Variants in DTHD1 observed in about 807,000 individuals in gnomAD.
The protein encoded by DTHD1 is death domain containing 1.
A neutral mutation model predicts 74.8 loss-of-function variants in DTHD1; 59 were observed. That is an observed-to-expected ratio of 0.79 (90% confidence interval 0.64 to 0.98). DTHD1 has a LOEUF of 0.98. Ranked by LOEUF, DTHD1 falls within the 50% of genes least tolerant of loss-of-function variation. DTHD1 has a pLI of 0.00. For synonymous variants in DTHD1, 365 were observed against 371.1 expected (o/e 0.98, Z 0.19); for missense variants, 1,051 against 1,065.4 (o/e 0.99, Z 0.19).
At chr4:36,292,674 C>A (rs1451239648) in intron 3 of DTHD1, among the ~76,000 whole-genome samples, 3 of 152,202 alleles carry the variant, frequency 2.0e-5, no homozygotes, top group Non-Finnish European at 2.9e-5. Flanking sequence ...CCTTAGTCAG[C>A]TTTCAAATGG....
At chr4:36,316,964 C>A (rs1375987226) in intron 8 of DTHD1, among the ~76,000 whole-genome samples, 1 of 152,150 alleles carries the variant, frequency 6.6e-6, no homozygotes, top group African/African-American at 2.4e-5. Flanking sequence ...TAAATTATTT[C>A]TTTGAACATG....
chr4:36,306,812 A>G (rs1201419106), intron 6 of DTHD1, among the ~76,000 whole-genome samples: 1 of 152,260 alleles, frequency 6.6e-6, no homozygotes, highest in Non-Finnish European at 1.5e-5. Flanking sequence ...TCATAGAGAC[A>G]GGTGATCATA....
At chr4:36,305,465 C>T (rs1756987784) in intron 5 of DTHD1, among the ~76,000 whole-genome samples, 1 of 152,096 alleles carries the variant, frequency 6.6e-6, no homozygotes, top group Non-Finnish European at 1.5e-5. Flanking sequence ...ACCATGAGAA[C>T]AGTATGGGGG....
rs112460099 is a variant in DTHD1 at position 36,316,004 on chromosome 4, C to G, written c.2096-238C>G. ...AGGCTGGAGTGCAGTGGCGTGATCT[C>G]CGCTCACTGTAAGCACCGCCTCCTG... is the stretch of plus-strand genomic sequence containing the variant. On this transcript the variant is annotated intron_variant, in intron 7 of 9. Coordinates refer to ENST00000639862, the MANE Select transcript of DTHD1 (RefSeq NM_001170700.3). Among the ~76,000 whole-genome samples, 534 of 152,278 alleles carry G rather than the reference C, an allele frequency of 3.5e-3. 2 individuals carry two copies. The highest frequency in any genetic ancestry group is 0.012 in the African/African-American group (504 of 41,572).
intron 7 of DTHD1, chr4:36,311,356 C>T (rs2109507197): frequency 6.6e-6 from 1 of 152,310 alleles, no homozygotes; most frequent in Admixed American, 6.5e-5. Context: ...ATACCTCATC[C>T]TGGTAAAAGC....
rs372025978 is a variant in DTHD1, at chr4:36,337,221, G to A, written c.2341-1891G>A. On this transcript the variant is annotated intron_variant, in intron 8 of 9. Transcript: ENST00000639862. ...GAAAGTGAAGGGAAAAGAAGGCAACGTAGAAAATCCTTTATGAAGGGGCCA... is the reference window on the plus strand; with the variant it reads ...GAAAGTGAAGGGAAAAGAAGGCAACATAGAAAATCCTTTATGAAGGGGCCA... Among the ~76,000 whole-genome samples, 21 of 152,186 alleles carry A rather than the reference G, an allele frequency of 1.4e-4. No individual in the cohort carries two copies. In the South Asian group the frequency reaches 1.7e-3, roughly 12 times the overall value.
chr4:36,306,999 G>C (rs1453360085), intron 6 of DTHD1, among the ~76,000 whole-genome samples: 2 of 152,204 alleles, frequency 1.3e-5, no homozygotes, highest in Admixed American at 6.5e-5. Context: ...TTCAGATGAA[G>C]TATTTCTGTA....
Position 36,282,002 on chromosome 4 carries a change from A to T in DTHD1, c.244A>T (p.Lys82Ter). 6.6e-7 allele frequency: 1 copy of T among 1,523,472 alleles called. No homozygotes were observed. The highest frequency in any genetic ancestry group is 8.8e-7 in the Non-Finnish European group (1 of 1,132,198). 94.4% of individuals were successfully genotyped at this position (1,523,472 alleles called of 1,614,324 possible). ...CCAGCAGCTGCATGTGCTGCTTGAC[A>T]AAGAGAATCAATGTGTCTCGAGAAA... Reference protein sequence around the residue: ...TCQQLHVLLDKENQCVSRKEI... With the variant: ...TCQQLHVLLD The change falls in exon 1 of 10, where the codon AAA (lysine) becomes TAA (stop). Residue 82 changes from lysine (K) to a stop codon, truncating the protein, a stop_gained. Coordinates refer to ENST00000639862, the MANE Select transcript of DTHD1 (RefSeq NM_001170700.3). LOFTEE classifies it high-confidence loss of function.
At chr4:36,295,440 C>T (rs1441274855) in intron 5 of DTHD1, among the ~76,000 whole-genome samples, 1 of 151,926 alleles carries the variant, frequency 6.6e-6, no homozygotes, top group Non-Finnish European at 1.5e-5. Context: ...GGGATCTCGT[C>T]TCTAGAGTCA....
chr4:36,311,409 A>G (rs1341711880), intron 7 of DTHD1: 1 of 152,084 alleles, frequency 6.6e-6, no homozygotes, highest in Non-Finnish European at 1.5e-5. Flanking sequence ...GTCTCTGTGA[A>G]TCTCAAAGAG....
intron 1 of DTHD1, among the ~76,000 whole-genome samples, chr4:36,282,273 G>A (rs1414802975): frequency 6.6e-6 from 1 of 152,174 alleles, no homozygotes; most frequent in East Asian, 1.9e-4. Flanking sequence ...AATCCCATCT[G>A]TAGGGTGGGG....
At chr4:36,330,756 G>A (rs1261739309) in intron 8 of DTHD1, among the ~76,000 whole-genome samples, 1 of 152,118 alleles carries the variant, frequency 6.6e-6, no homozygotes, top group East Asian at 1.9e-4. Context: ...ATAGTTACAA[G>A]TACATCCTCA....
chr4:36,283,788 T>C (rs1344327780), intron 1 of DTHD1, 188 bp from the exon 2 acceptor site: 2 of 578,618 alleles, frequency 3.5e-6, no homozygotes, highest in Admixed American at 3.4e-5. Context: ...TTGTTGTCAA[T>C]CCTACAATTG....
chr4:36,328,933 C>CTA (rs1314817285), intron 8 of DTHD1, among the ~76,000 whole-genome samples: 5 of 152,136 alleles, frequency 3.3e-5, no homozygotes, highest in Admixed American at 6.6e-5. Flanking sequence ...TGATGTAGGC[C>CTA]CTGTCATTTG....
chr4:36,289,871 C>T (rs1755954308), intron 2 of DTHD1, among the ~76,000 whole-genome samples: 1 of 151,490 alleles, frequency 6.6e-6, no homozygotes, highest in Non-Finnish European at 1.5e-5. Context: ...TCTTTCTCAG[C>T]TTTTCTAAAA....
chr4:36,315,818 C>G (rs1312864495), intron 7 of DTHD1: 1 of 154,100 alleles, frequency 6.5e-6, no homozygotes, highest in Non-Finnish European at 1.4e-5. Flanking sequence ...CTGCCTATTG[C>G]TCCTTTGTCA....
At chr4:36,322,084 C>T (rs1448735669) in intron 8 of DTHD1, among the ~76,000 whole-genome samples, 1 of 152,202 alleles carries the variant, frequency 6.6e-6, no homozygotes, top group African/African-American at 2.4e-5. Context: ...TCTTACCCTG[C>T]AACCTGACAT....
chr4:36,293,090 G>A (rs1756178525), intron 3 of DTHD1, among the ~76,000 whole-genome samples: 1 of 152,200 alleles, frequency 6.6e-6, no homozygotes, highest in Non-Finnish European at 1.5e-5. Flanking sequence ...AGGTGTTACA[G>A]TGTTTGAGCA....
chr4:36,318,483 T>C (rs933084920), intron 8 of DTHD1, among the ~76,000 whole-genome samples: 3 of 152,172 alleles, frequency 2.0e-5, no homozygotes, highest in African/African-American at 7.2e-5. Flanking sequence ...CCGTGGTCCA[T>C]GGGAAGCATG....
Sources: allele counts gnomAD v4.1 joint callset (sites outside exome capture counted in the v4.1 genomes callset), GRCh38; gene constraint gnomAD v4.1.1; transcripts MANE v1.5; gene names NCBI Gene and HGNC (gene_info 2026-07-23, HGNC 2026-07-21).